Variants in DNAAF9 observed in about 807,000 individuals in gnomAD.
DNAAF9 encodes the protein shulin.
A neutral mutation model predicts 167.0 loss-of-function variants in DNAAF9; 90 were observed. The ratio of observed to expected loss-of-function variants is 0.54; its 90% CI spans 0.45 to 0.64. The LOEUF (loss-of-function observed/expected upper bound fraction) is 0.64, where lower values mean the gene tolerates loss of function less well. Among genes scored for constraint, DNAAF9 ranks in the 30% least tolerant of loss-of-function variants. The pLI, the probability that DNAAF9 is intolerant of heterozygous loss-of-function variation, is 0.00. For synonymous variants in DNAAF9, 491 were observed against 508.8 expected, an observed-to-expected ratio of 0.96 and a Z score of 0.47; for missense variants, 1,315 against 1,442.2, an observed-to-expected ratio of 0.91 and a Z score of 1.43.
chr20:3,254,495 C>T (rs951704757), intron 35 of DNAAF9, among the ~76,000 whole-genome samples: 1 of 152,154 alleles, frequency 6.6e-6, no homozygotes, highest in Non-Finnish European at 1.5e-5. Context: ...TCCTTGTTCA[C>T]GGTTGGCTTT....
intron 1 of DNAAF9, among the ~76,000 whole-genome samples, chr20:3,400,825 T>C (rs2083972691): frequency 6.6e-6 from 1 of 152,304 alleles, no homozygotes; most frequent in South Asian, 2.1e-4. Context: ...CTCAGTATAC[T>C]GTCATCCCAG....
At position 3,347,825 on chromosome 20, in the gene DNAAF9, G is replaced by A. The variant is rs553716271; in HGVS notation, c.789+700C>T. On this transcript the variant is annotated intron_variant, in intron 8 of 36. Transcript: ENST00000252032. ...TAATCCCAGCTACTTGGGAGGCTGA[G>A]GCAGGAGAATTGCTTGAACCCTGGA... 8.5e-5 allele frequency among the ~76,000 whole-genome samples: 13 copies of A among 152,182 alleles called. No individual in the cohort carries two copies. The East Asian group carries it at 2.5e-3, about 29-fold the overall frequency.
intron 21 of DNAAF9, among the ~76,000 whole-genome samples, chr20:3,299,705 G>T (rs2069149728): frequency 6.6e-6 from 1 of 152,184 alleles, no homozygotes; most frequent in African/African-American, 2.4e-5. Flanking sequence ...TTTATTTCTG[G>T]GCTCTCCATG....
intron 29 of DNAAF9, among the ~76,000 whole-genome samples, chr20:3,277,434 C>T (rs555603866): frequency 1.7e-4 from 26 of 152,306 alleles, no homozygotes; most frequent in Middle Eastern, 6.8e-3. Flanking sequence ...TGGCTGACTA[C>T]AGTCCATGCC....
chr20:3,357,059 T>C (rs2083295901), intron 7 of DNAAF9, among the ~76,000 whole-genome samples: 1 of 152,256 alleles, frequency 6.6e-6, no homozygotes, highest in Non-Finnish European at 1.5e-5. Context: ...ATGCAGTGAA[T>C]TCTTTCCTTA....
intron 10 of DNAAF9, among the ~76,000 whole-genome samples, chr20:3,336,886 T>C (rs1025910779): frequency 8.2e-5 from 12 of 147,182 alleles, no homozygotes; most frequent in African/African-American, 2.9e-4. Flanking sequence ...CTTTTTCTTT[T>C]TTTTTTTTTT....
chr20:3,327,013 C>CA, intron 12 of DNAAF9, among the ~76,000 whole-genome samples: 1 of 152,276 alleles, frequency 6.6e-6, no homozygotes, highest in East Asian at 1.9e-4. Context: ...ATCGTCTTTT[C>CA]ACTAGACCTG....
chr20:3,336,437 T>G (rs1262193742), intron 10 of DNAAF9, among the ~76,000 whole-genome samples: 1 of 151,872 alleles, frequency 6.6e-6, no homozygotes, highest in Non-Finnish European at 1.5e-5. Flanking sequence ...GTCTATTTTC[T>G]GTTGTTCAGA....
intron 5 of DNAAF9, among the ~76,000 whole-genome samples, chr20:3,374,783 T>C (rs972150800): frequency 3.3e-5 from 5 of 152,222 alleles, no homozygotes; most frequent in African/African-American, 1.2e-4. Context: ...CCATGTCAAT[T>C]GTGCTAAATT....
intron 13 of DNAAF9, among the ~76,000 whole-genome samples, 168 bp from the exon 14 acceptor site, chr20:3,325,136 TATC>T (rs1332165897): frequency 6.6e-6 from 1 of 152,130 alleles, no homozygotes; most frequent in Non-Finnish European, 1.5e-5. Flanking sequence ...AAAGTGAAAG[TATC>T]ATGTTAAGGG....
intron 6 of DNAAF9, chr20:3,361,792 A>G (rs1441860733): frequency 8.2e-6 from 10 of 1,215,874 alleles, no homozygotes; most frequent in Non-Finnish European, 1.0e-5. Flanking sequence ...TCTACAAGAC[A>G]TATCTAGAAA....
chr20:3,261,656 G>A (rs532996681), intron 31 of DNAAF9, among the ~76,000 whole-genome samples: 7 of 151,808 alleles, frequency 4.6e-5, no homozygotes, highest in Non-Finnish European at 8.8e-5. Flanking sequence ...GTGAGCCACC[G>A]CACCTGCCCC....
rs1273140336 is a variant in DNAAF9, at chr20:3,340,506, T to C, written c.979A>G (p.Met327Val). Reference sequence around the variant, plus strand: ...CACCAGGCAGTCCAGCCACTTACCATGTGCTTGGCAAAGCTCCCGCCGGGA... The same window carrying C: ...CACCAGGCAGTCCAGCCACTTACCACGTGCTTGGCAAAGCTCCCGCCGGGA... ...TGPGGSFAKH[M>V]VAQCVSPKGP... Residue 327 changes from methionine (M) to valine (V), a missense_variant and splice_region_variant, in exon 10 of 37, where the codon ATG becomes GTG. Around this residue, in one of 2 missense-constraint regions of DNAAF9, gnomAD observed 981 missense variants for 1,012.5 expected, o/e 0.97. Coordinates refer to ENST00000252032, the MANE Select transcript of DNAAF9 (RefSeq NM_001009984.3). The C allele has an allele frequency of 1.5e-6, 2 of 1,363,780 alleles. No individual in the cohort carries two copies. The highest frequency in any genetic ancestry group is 1.1e-5 in the South Asian group (1 of 87,872). The allele number at this position is 1,363,780 out of a possible 1,614,324, so 84.5% of individuals were successfully genotyped here. A position where few individuals can be genotyped will look rare whatever the true frequency, so the allele number is the denominator to read the frequency against.
intron 20 of DNAAF9, among the ~76,000 whole-genome samples, chr20:3,314,512 C>A (rs573796948): frequency 2.6e-5 from 4 of 152,120 alleles, no homozygotes; most frequent in African/African-American, 9.6e-5. Flanking sequence ...TTCCTACAAG[C>A]GAAAGGAAAC....
chr20:3,324,259 G>A (rs2069670711), intron 14 of DNAAF9, among the ~76,000 whole-genome samples: 1 of 152,132 alleles, frequency 6.6e-6, no homozygotes. Context: ...GGCATCACAG[G>A]ACACATCCTA....
At position 3,376,230 on chromosome 20, in the gene DNAAF9, G is replaced by C; in HGVS notation, c.356C>G (p.Pro119Arg). 6.2e-7 allele frequency: 1 copy of C among 1,613,584 alleles called. No homozygotes were observed. Among genetic ancestry groups the C allele is most frequent in the Non-Finnish European group, 8.5e-7 (1 of 1,179,616 alleles). The part of the protein sequence containing the change: ...CNPVNFRYLL[P>R]YVAHWRNLHF... ...CAGATTTCTCCAATGTGCCACATAAGGTAAGAGATAGCGAAAGTTTACAGG... is the reference window on the plus strand; with the variant it reads ...CAGATTTCTCCAATGTGCCACATAACGTAAGAGATAGCGAAAGTTTACAGG... Residue 119 changes from proline to arginine, a missense_variant, in exon 4 of 37, where the codon CCT becomes CGT. By Grantham distance (103) the Pro-to-Arg change is moderately radical. Around this residue, in one of 2 missense-constraint regions of DNAAF9, gnomAD observed 981 missense variants for 1,012.5 expected, o/e 0.97. Transcript: ENST00000252032.
At chr20:3,279,462 GGT>G (rs914087661) in intron 28 of DNAAF9, among the ~76,000 whole-genome samples, 2 of 152,314 alleles carry the variant, frequency 1.3e-5, no homozygotes, top group South Asian at 2.1e-4. Flanking sequence ...TGAAGCAAGA[GGT>G]GGGGGTGACT....
At chr20:3,397,564 C>T (rs899580271) in intron 1 of DNAAF9, among the ~76,000 whole-genome samples, 1 of 152,096 alleles carries the variant, frequency 6.6e-6, no homozygotes, top group East Asian at 1.9e-4. Flanking sequence ...GTGATCTGCC[C>T]GTCTCAGCCT....
chr20:3,330,282 GTTGCCAAGA>G (rs553496976), intron 12 of DNAAF9, among the ~76,000 whole-genome samples: 62 of 151,980 alleles, frequency 4.1e-4, no homozygotes, highest in African/African-American at 1.5e-3. Context: ...GTCTCCCTCT[GTTGCCAAGA>G]GTGCAGTGGT....
Sources: allele counts gnomAD v4.1 joint callset (sites outside exome capture counted in the v4.1 genomes callset), GRCh38; gene constraint gnomAD v4.1.1; regional missense constraint gnomAD v4.1.1; transcripts MANE v1.5; gene names NCBI Gene and HGNC (gene_info 2026-07-23, HGNC 2026-07-21).